The following ZMYND8 variants were observed in gnomAD, a reference collection of about 807,000 sequenced individuals.
ZMYND8 encodes the protein zinc finger MYND-type containing 8.
In ZMYND8, 37 loss-of-function variants were observed where a neutral mutation model predicts 140.8. The observed-to-expected ratio is 0.26, with a 90% CI of 0.20 to 0.35. The LOEUF (loss-of-function observed/expected upper bound fraction) is 0.35. Ranked by LOEUF, ZMYND8 falls within the 10% of genes least tolerant of loss-of-function variation. The pLI, the probability that ZMYND8 is intolerant of heterozygous loss-of-function variation, is 1.00. For missense variants in ZMYND8, 1,068 were observed against 1,570.0 expected (o/e 0.68, Z 5.40); for synonymous variants, 592 against 597.1 (o/e 0.99, Z 0.12).
Position 47,262,331 on chromosome 20 carries a change from C to T in ZMYND8, c.1578G>A (p.Thr526=), listed in dbSNP as rs1373366769. The T allele has an allele frequency of 3.7e-6, 6 of 1,613,674 alleles. No individual in the cohort carries two copies. The highest frequency in any genetic ancestry group is 1.3e-5 in the African/African-American group (1 of 74,866). ...PQLSAPITTK[T]DKTSTTGSIL... The stretch of plus-strand genomic sequence containing the variant: ...TGCTGCCGGTGGTGGAGGTTTTGTC[C>T]GTTTTCGTCGTGATAGGAGCTGACA... The change falls in exon 12 of 23, where the codon ACG becomes ACA. Residue 526 remains threonine (T), a synonymous_variant. Transcript: ENST00000471951.
At chr20:47,281,977 G>C in intron 10 of ZMYND8, 125 bp downstream of exon 10, 2 of 816,546 alleles carry the variant, frequency 2.4e-6, no homozygotes, top group Non-Finnish European at 3.8e-6. Context: ...TCAACAACAA[G>C]ATCAATGGTT....
chr20:47,247,112 T>C (rs1284595793), intron 13 of ZMYND8, among the ~76,000 whole-genome samples: 3 of 152,258 alleles, frequency 2.0e-5, no homozygotes, highest in African/African-American at 7.2e-5. Flanking sequence ...ACATGTTTCA[T>C]GCGAGAGGCA....
chr20:47,224,652 G>C lies in ZMYND8; in HGVS notation c.3017-96C>G, dbSNP rs1381063978. ...CAGATTCAGGCAGACGTGGATGCAA[G>C]ACCTGGCTGGGAGAAGCCCTGGCTG... is the stretch of plus-strand genomic sequence containing the variant. On this transcript the variant is annotated intron_variant, in intron 18 of 22. Transcript: ENST00000471951. The C allele has an allele frequency of 1.9e-6, 3 of 1,565,232 alleles. No individual in the cohort carries two copies. The East Asian group carries it at 6.7e-5, about 35-fold the overall frequency.
At chr20:47,279,528 A>T (rs1419831908) in intron 10 of ZMYND8, among the ~76,000 whole-genome samples, 2 of 152,100 alleles carry the variant, frequency 1.3e-5, no homozygotes, top group African/African-American at 4.8e-5. Context: ...CCCAGGAAGT[A>T]TTTCAAGCGA....
chr20:47,224,235 C>T, intron 19 of ZMYND8, 82 bp downstream of exon 19: 2 of 1,577,488 alleles, frequency 1.3e-6, no homozygotes, highest in Non-Finnish European at 1.7e-6. Flanking sequence ...GACAATTAGC[C>T]CTGAGACCCC....
chr20:47,249,111 C>T (rs2073964508), intron 13 of ZMYND8, among the ~76,000 whole-genome samples, 176 bp downstream of exon 13: 1 of 152,290 alleles, frequency 6.6e-6, no homozygotes, highest in African/African-American at 2.4e-5. Flanking sequence ...AATTAACTAG[C>T]AAGTCTGAAG....
intron 12 of ZMYND8, among the ~76,000 whole-genome samples, chr20:47,251,961 C>T (rs1244806636): frequency 1.3e-5 from 2 of 151,056 alleles, no homozygotes; most frequent in Non-Finnish European, 2.9e-5. Flanking sequence ...CTAAAGTTTA[C>T]TTTTAAATTA....
intron 12 of ZMYND8, among the ~76,000 whole-genome samples, chr20:47,253,911 C>T (rs559709523): frequency 2.0e-5 from 3 of 152,250 alleles, no homozygotes; most frequent in Non-Finnish European, 2.9e-5. Context: ...CAGTAAGCTG[C>T]TGTTATGTTT....
chr20:47,311,577 T>C lies in ZMYND8; in HGVS notation c.86-1373A>G, dbSNP rs116853661. Among the ~76,000 whole-genome samples the C allele has an allele frequency of 2.0e-5, 3 of 152,266 alleles. No individual in the cohort carries two copies. The East Asian group carries it at 5.8e-4, about 29-fold the overall frequency. On this transcript the variant is annotated intron_variant, in intron 2 of 22. Coordinates refer to ENST00000471951, the MANE Select transcript of ZMYND8 (RefSeq NM_001281775.3). ...GCCTTTGCTCCTTTTCCACTGTATT[T>C]GTAGAATGTGTTTCTAGAGGAGATT... is the stretch of plus-strand genomic sequence containing the variant.
intron 1 of ZMYND8, 173 bp downstream of exon 1, chr20:47,356,484 T>C: frequency 6.3e-7 from 1 of 1,587,402 alleles, no homozygotes; most frequent in Non-Finnish European, 8.5e-7. Context: ...TAATGGCTAC[T>C]GAGCCATGTG....
intron 2 of ZMYND8, among the ~76,000 whole-genome samples, chr20:47,313,421 G>A (rs931637382): frequency 1.3e-5 from 2 of 151,920 alleles, no homozygotes; most frequent in Non-Finnish European, 2.9e-5. Context: ...AGGAGATCGA[G>A]ACCATCCTGG....
At chr20:47,321,856 C>CTTTTTTTTTTTTTTT (rs60425976) in intron 2 of ZMYND8, among the ~76,000 whole-genome samples, 1 of 123,480 alleles carries the variant, frequency 8.1e-6, no homozygotes, top group African/African-American at 3.3e-5. Context: ...ACTCGCCGCC[C>CTTTTTTTTTTTTTTT]TTTTTTTTTT....
chr20:47,253,026 G>A lies in ZMYND8; in HGVS notation c.1622-3587C>T, dbSNP rs564058028. 3.3e-5 allele frequency among the ~76,000 whole-genome samples: 5 copies of A among 152,378 alleles called. No individual in the cohort carries two copies. In the South Asian group the frequency reaches 1.0e-3, roughly 32 times the overall value. ...ACTACATAAACAGATGGGTGTGGAT[G>A]TGTTCCAGTAAACTTTATTTGCAAA... On this transcript the variant is annotated intron_variant, in intron 12 of 22. Coordinates refer to ENST00000471951, the MANE Select transcript of ZMYND8 (RefSeq NM_001281775.3).
At chr20:47,355,580 C>A in intron 1 of ZMYND8, 1 of 803,774 alleles carries the variant, frequency 1.2e-6, no homozygotes, top group Non-Finnish European at 1.5e-6. Context: ...ACACACACAA[C>A]AACAACAACA....
chr20:47,230,497 T>C (rs757864590), intron 16 of ZMYND8, among the ~76,000 whole-genome samples: 15 of 152,068 alleles, frequency 9.9e-5, no homozygotes, highest in South Asian at 2.1e-4. Flanking sequence ...TTTCACCATG[T>C]TGGTCAGGCT....
intron 15 of ZMYND8, 153 bp downstream of exon 15, chr20:47,238,605 T>C (rs1221091199): frequency 1.5e-6 from 2 of 1,371,552 alleles, no homozygotes; most frequent in East Asian, 5.0e-5. Context: ...TTTTTAAAAA[T>C]AATGCCAAAT....
intron 10 of ZMYND8, among the ~76,000 whole-genome samples, chr20:47,278,862 A>T (rs2076420852): frequency 6.6e-6 from 1 of 152,058 alleles, no homozygotes; most frequent in African/African-American, 2.4e-5. Flanking sequence ...CAGGACTACT[A>T]GACAGGACAG....
chr20:47,214,440 T>G (rs921586561), intron 21 of ZMYND8, among the ~76,000 whole-genome samples: 79 of 152,298 alleles, frequency 5.2e-4, no homozygotes, highest in African/African-American at 1.9e-3. Flanking sequence ...TCCATGGCGC[T>G]CTCACTGTGC....
rs569585496 is a variant in ZMYND8 at position 47,241,273 on chromosome 20, T to C, written c.2285-2135A>G. 1.1e-3 allele frequency among the ~76,000 whole-genome samples: 141 copies of C among 131,996 alleles called. 4 individuals are homozygous for C. In the South Asian group the frequency reaches 0.031, roughly 29 times the overall value. 86.6% of individuals were successfully genotyped at this position (131,996 alleles called of 152,430 possible). A position where few individuals can be genotyped will look rare whatever the true frequency, so the allele number is the denominator to read the frequency against. ...TCGCCCCATTGCACTCCAGCCTGGG[T>C]GACAGGGCGAGACTCCGTCTCAAAA... is the stretch of plus-strand genomic sequence containing the variant. On this transcript the variant is annotated intron_variant, in intron 14 of 22. Coordinates refer to ENST00000471951, the MANE Select transcript of ZMYND8 (RefSeq NM_001281775.3).
Sources: gnomAD v4.1 joint callset for allele counts (sites outside exome capture counted in the v4.1 genomes callset) on GRCh38, gnomAD v4.1.1 for gene constraint, MANE v1.5 for transcripts, NCBI Gene and HGNC (gene_info 2026-07-23, HGNC 2026-07-21) for gene names.